DRC9: variants seen among roughly 807,000 people sequenced by gnomAD.
DRC9 encodes the protein dynein regulatory complex subunit 9, also known as dynein regulatory complex protein 9.
the DRC9 span, among the ~76,000 whole-genome samples, chr3:197,903,544 G>A: frequency 6.6e-6 from 1 of 152,290 alleles, no homozygotes; most frequent in East Asian, 1.9e-4. Context: ...GCTGAGGCAC[G>A]AGAATCTCTT....
chr3:197,889,493 C>T, the DRC9 span: 1 of 1,461,676 alleles, frequency 6.8e-7, no homozygotes. Flanking sequence ...GTAGATGAGT[C>T]ATCTTTGAGG....
At chr3:197,912,844 CT>C in the DRC9 span, 1 of 948,684 alleles carries the variant, frequency 1.1e-6, no homozygotes, top group Non-Finnish European at 1.7e-6. Flanking sequence ...GTAGCTGAGG[CT>C]CCCTTTACCA....
At chr3:197,893,529 T>C in the DRC9 span, among the ~76,000 whole-genome samples, 10 of 151,800 alleles carry the variant, frequency 6.6e-5, no homozygotes, top group African/African-American at 2.4e-4. Flanking sequence ...AAGGATACAA[T>C]GTATTCAAAA....
At chr3:197,892,614 A>G in the DRC9 span, 2 of 1,613,768 alleles carry the variant, frequency 1.2e-6, no homozygotes, top group Non-Finnish European at 1.7e-6. Context: ...TGAGCGCCCT[A>G]ATTCCTTCCT....
the DRC9 span, among the ~76,000 whole-genome samples, chr3:197,916,748 C>G: frequency 1.3e-5 from 2 of 152,208 alleles, no homozygotes; most frequent in South Asian, 2.1e-4. Flanking sequence ...GAAGAAAAAA[C>G]AAAGTGGTAA....
chr3:197,946,163 C>T, the DRC9 span, among the ~76,000 whole-genome samples: 169 of 151,948 alleles, frequency 1.1e-3, no homozygotes, highest in Non-Finnish European at 1.6e-3. Context: ...GGGCCGGGCG[C>T]GGGGGCTCAC....
chr3:197,941,134 C>A, the DRC9 span, among the ~76,000 whole-genome samples: 28 of 151,666 alleles, frequency 1.8e-4, no homozygotes, highest in Middle Eastern at 3.4e-3. Context: ...GTCCTTCCTT[C>A]CTTCCTTCCT....
At chr3:197,910,332 T>A in the DRC9 span, among the ~76,000 whole-genome samples, 1 of 152,260 alleles carries the variant, frequency 6.6e-6, no homozygotes, top group African/African-American at 2.4e-5. Flanking sequence ...TATATACTTA[T>A]GTATTGCTTG....
At chr3:197,943,583 C>T in the DRC9 span, among the ~76,000 whole-genome samples, 1 of 150,618 alleles carries the variant, frequency 6.6e-6, no homozygotes, top group East Asian at 1.9e-4. Flanking sequence ...AGGCTGCAGT[C>T]AGCCATGATG....
chr3:197,892,515 G>T, the DRC9 span: 1 of 1,301,988 alleles, frequency 7.7e-7, no homozygotes, highest in Non-Finnish European at 1.1e-6. Flanking sequence ...TGAGCACCCT[G>T]ATTCCTTCCA....
chr3:197,932,631 CAATAAATAAATAAATA>C, the DRC9 span, among the ~76,000 whole-genome samples: 170 of 143,024 alleles, frequency 1.2e-3, no homozygotes, highest in African/African-American at 4.2e-3. Context: ...GACTCCGTCT[CAATAAATAAATAAATA>C]AATAAATAAA....
the DRC9 span, chr3:197,950,014 C>A: frequency 1.3e-6 from 1 of 769,278 alleles, no homozygotes; most frequent in Non-Finnish European, 1.8e-6. Flanking sequence ...CATTTTGCAG[C>A]CTACCAAGAT....
At chr3:197,955,836 AACT>A in the DRC9 span, 1 of 1,327,388 alleles carries the variant, frequency 7.5e-7, no homozygotes, top group Non-Finnish European at 1.1e-6. Flanking sequence ...TGGATTAAAA[AACT>A]TACTACCTTA....
the DRC9 span, among the ~76,000 whole-genome samples, chr3:197,939,906 C>T: frequency 3.3e-5 from 5 of 152,002 alleles, no homozygotes; most frequent in Non-Finnish European, 7.4e-5. Context: ...CCAAATGTGT[C>T]TCATGGCCTG....
the DRC9 span, chr3:197,889,817 A>C: frequency 7.4e-7 from 1 of 1,354,376 alleles, no homozygotes; most frequent in Non-Finnish European, 1.0e-6. Flanking sequence ...TGTCTGACAA[A>C]CAGTCTCTCT....
chr3:197,951,218 A>G, the DRC9 span: 1 of 1,614,250 alleles, frequency 6.2e-7, no homozygotes, highest in Non-Finnish European at 8.5e-7. Flanking sequence ...CAAAGGGAGC[A>G]CACAGCTCTT....
the DRC9 span, among the ~76,000 whole-genome samples, chr3:197,891,896 T>A: frequency 3.2e-4 from 48 of 152,184 alleles, no homozygotes; most frequent in Non-Finnish European, 5.0e-4. Flanking sequence ...TGTTTGTTTG[T>A]TTGTTTTGAG....
chr3:197,925,946 G>C, the DRC9 span: 2 of 818,492 alleles, frequency 2.4e-6, no homozygotes, highest in Non-Finnish European at 4.3e-6. Context: ...ACTCTTCTCT[G>C]CTTGAGAAAG....
chr3:197,913,325 T>TGTGCGTGCGTGCGTGCGTGTGTGC, the DRC9 span: 3 of 190,666 alleles, frequency 1.6e-5, no homozygotes, highest in African/African-American at 7.9e-5. Context: ...GCTTTGCGTG[T>TGTGCGTGCGTGCGTGCGTGTGTGC]GTGCGTGCGT....
Sources: allele counts gnomAD v4.1 joint callset (sites outside exome capture counted in the v4.1 genomes callset), GRCh38; gene constraint gnomAD v4.1.1; transcripts MANE v1.5; gene names NCBI Gene and HGNC (gene_info 2026-07-23, HGNC 2026-07-21).